GPC6: variants seen among roughly 807,000 people sequenced by gnomAD.
GPC6 encodes glypican 6, also known as glypican-6.
A neutral mutation model predicts 55.2 loss-of-function variants in GPC6; 14 were observed. The observed-to-expected ratio is 0.25, with a 90% confidence interval of 0.17 to 0.40. The LOEUF (loss-of-function observed/expected upper bound fraction) is 0.40, where lower values mean the gene tolerates loss of function less well. Ranked by LOEUF, GPC6 falls within the 10% of genes least tolerant of loss-of-function variation. GPC6 has a pLI of 1.00. For missense variants in GPC6, 641 were observed against 708.5 expected, an observed-to-expected ratio of 0.90 and a Z score of 1.08; for synonymous variants, 278 against 259.6, an observed-to-expected ratio of 1.07 and a Z score of -0.68.
chr13:93,992,133 TA>T (rs1271948158), intron 3 of GPC6, among the ~76,000 whole-genome samples: 1 of 151,608 alleles, frequency 6.6e-6, no homozygotes, highest in African/African-American at 2.4e-5. Flanking sequence ...TTTTTATGAA[TA>T]GATTCATATG....
chr13:93,641,840 C>T (rs1340506051), intron 2 of GPC6, among the ~76,000 whole-genome samples: 2 of 152,034 alleles, frequency 1.3e-5, no homozygotes, highest in Non-Finnish European at 2.9e-5. Context: ...GTGACACAAA[C>T]TCATGTGATA....
intron 1 of GPC6, among the ~76,000 whole-genome samples, chr13:93,347,228 G>A (rs903777207): frequency 2.6e-5 from 4 of 152,142 alleles, no homozygotes; most frequent in East Asian, 1.9e-4. Context: ...ACCTTACATT[G>A]CATTAGATGA....
At chr13:94,393,012 T>C (rs9561549) in intron 7 of GPC6, among the ~76,000 whole-genome samples, 127,190 of 152,192 alleles carry the variant, frequency 0.84, 53,237 homozygotes, top group Admixed American at 0.88. Flanking sequence ...TCTCTCCACA[T>C]TTTTACCAAC....
chr13:93,276,125 C>T (rs1566275639), intron 1 of GPC6, among the ~76,000 whole-genome samples: 1 of 152,136 alleles, frequency 6.6e-6, no homozygotes, highest in Non-Finnish European at 1.5e-5. Flanking sequence ...CCACTCGCCT[C>T]GGCCTCCCAA....
rs181736059 is a variant in GPC6 at position 94,024,099 on chromosome 13, A to G, written c.712-3630A>G. Among the ~76,000 whole-genome samples the G allele has an allele frequency of 4.8e-3, 653 of 136,472 alleles. 8 individuals are homozygous for G. The highest frequency in any genetic ancestry group is 0.017 in the African/African-American group (625 of 36,476). The allele number at this position is 136,472 out of a possible 152,430, so 89.5% of individuals were successfully genotyped here. A position where few individuals can be genotyped will look rare whatever the true frequency, so the allele number is the denominator to read the frequency against. On this transcript the variant is annotated intron_variant, in intron 3 of 8. Coordinates refer to ENST00000377047, the MANE Select transcript of GPC6 (RefSeq NM_005708.5). ...GAAATAAAATAGCATAGAACTGTGT[A>G]TAGACACACACACACACACACACAC...
chr13:93,848,731 G>A (rs12427786), intron 3 of GPC6, among the ~76,000 whole-genome samples: 1 of 151,910 alleles, frequency 6.6e-6, no homozygotes, highest in Non-Finnish European at 1.5e-5. Context: ...CTTACCTTGC[G>A]GCCTGGTATC....
intron 3 of GPC6, among the ~76,000 whole-genome samples, chr13:93,843,581 A>T (rs190818905): frequency 6.6e-6 from 1 of 152,278 alleles, no homozygotes; most frequent in East Asian, 1.9e-4. Flanking sequence ...GTATAAAAAA[A>T]CATAATTTAT....
chr13:93,408,361 G>A (rs1876372252), intron 1 of GPC6, among the ~76,000 whole-genome samples: 1 of 152,186 alleles, frequency 6.6e-6, no homozygotes, highest in East Asian at 1.9e-4. Context: ...ACAGCACTGG[G>A]TAGATGGAGG....
intron 4 of GPC6, among the ~76,000 whole-genome samples, chr13:94,212,387 T>C (rs777944188): frequency 6.6e-6 from 1 of 152,218 alleles, no homozygotes; most frequent in Non-Finnish European, 1.5e-5. Context: ...GTCATTTCTC[T>C]GAAGCTCATT....
chr13:94,237,134 G>A (rs1890902847), intron 4 of GPC6, among the ~76,000 whole-genome samples: 1 of 152,110 alleles, frequency 6.6e-6, no homozygotes, highest in African/African-American at 2.4e-5. Context: ...TCCATTATCA[G>A]CTGCAGAGGG....
At chr13:93,225,075 A>G (rs60253448), upstream of GPC6, among the ~76,000 whole-genome samples, 488 of 152,294 alleles carry the variant, frequency 3.2e-3, 5 homozygotes, top group African/African-American at 0.011. Flanking sequence ...GCTTTTACCC[A>G]TTCTTCCTTT....
At chr13:93,766,844 C>T (rs938665459) in intron 2 of GPC6, among the ~76,000 whole-genome samples, 1 of 152,100 alleles carries the variant, frequency 6.6e-6, no homozygotes, top group Non-Finnish European at 1.5e-5. Flanking sequence ...TCTCCTTAAG[C>T]TTAGCTTAAA....
chr13:93,815,139 A>G (rs1886809174), intron 2 of GPC6, among the ~76,000 whole-genome samples: 1 of 152,182 alleles, frequency 6.6e-6, no homozygotes, highest in Admixed American at 6.5e-5. Flanking sequence ...CTGATTGCTG[A>G]TGGGTGGCTT....
At chr13:94,349,115 C>T (rs1424107329) in intron 6 of GPC6, among the ~76,000 whole-genome samples, 5 of 152,216 alleles carry the variant, frequency 3.3e-5, no homozygotes, top group Non-Finnish European at 1.5e-5. Context: ...CAGTCACCTA[C>T]AACTTAAAAG....
At chr13:94,092,912 T>C (rs776745034) in intron 4 of GPC6, among the ~76,000 whole-genome samples, 2 of 152,144 alleles carry the variant, frequency 1.3e-5, no homozygotes, top group East Asian at 1.9e-4. Flanking sequence ...CTTTTGACCA[T>C]TTGTATGTCT....
At chr13:93,805,594 C>T (rs1258488711) in intron 2 of GPC6, among the ~76,000 whole-genome samples, 2 of 152,076 alleles carry the variant, frequency 1.3e-5, no homozygotes, top group Admixed American at 1.3e-4. Context: ...AGTTATATGG[C>T]GTGCATTATA....
At chr13:94,025,687 C>A (rs1297161156) in intron 3 of GPC6, 1 of 152,080 alleles carries the variant, frequency 6.6e-6, no homozygotes, top group Non-Finnish European at 1.5e-5. Context: ...AGACTCCTCA[C>A]CTTTATACCC....
At chr13:94,164,205 G>T (rs1389005869) in intron 4 of GPC6, among the ~76,000 whole-genome samples, 1 of 152,130 alleles carries the variant, frequency 6.6e-6, no homozygotes, top group African/African-American at 2.4e-5. Flanking sequence ...TGTATCTATT[G>T]AAATAATGTC....
At chr13:94,266,374 TAGCC>T (rs1272839780) in intron 4 of GPC6, among the ~76,000 whole-genome samples, 1 of 152,150 alleles carries the variant, frequency 6.6e-6, no homozygotes, top group African/African-American at 2.4e-5. Context: ...TTCACTGTGT[TAGCC>T]AGGATGGTCT....
Sources: allele counts gnomAD v4.1 joint callset (sites outside exome capture counted in the v4.1 genomes callset), GRCh38; gene constraint gnomAD v4.1.1; transcripts MANE v1.5; gene names NCBI Gene and HGNC (gene_info 2026-07-23, HGNC 2026-07-21).